Variants in SPOCK1 observed in about 807,000 individuals in gnomAD.
The protein encoded by SPOCK1 is testican-1.
SPOCK1 carries 23 observed loss-of-function variants against 55.3 expected under a neutral mutation model. The ratio of observed to expected loss-of-function variants is 0.42; its 90% CI spans 0.30 to 0.59. The LOEUF (loss-of-function observed/expected upper bound fraction) is 0.59, where lower values mean the gene tolerates loss of function less well. Ranked by LOEUF, SPOCK1 falls within the 20% of genes least tolerant of loss-of-function variation. The probability of loss-of-function intolerance (pLI) is 0.22; values close to 1 mark genes in which losing one functional copy is unlikely to be tolerated. For synonymous variants in SPOCK1, 226 were observed against 221.0 expected, an observed-to-expected ratio of 1.02 and a Z score of -0.20; for missense variants, 499 against 552.5, an observed-to-expected ratio of 0.90 and a Z score of 0.97.
chr5:137,083,077 G>A (rs78805114), intron 5 of SPOCK1, among the ~76,000 whole-genome samples: 1,732 of 152,254 alleles, frequency 0.011, 40 homozygotes, highest in Middle Eastern at 0.048. Flanking sequence ...AAAATAGAAC[G>A]GCTCCTGTCT....
intron 2 of SPOCK1, among the ~76,000 whole-genome samples, chr5:137,465,095 C>T (rs1455057417): frequency 1.3e-5 from 2 of 152,110 alleles, no homozygotes; most frequent in African/African-American, 4.8e-5. Context: ...CCAGGATTCA[C>T]GACTGAATGA....
At chr5:137,104,015 C>T (rs1753317010) in intron 5 of SPOCK1, among the ~76,000 whole-genome samples, 1 of 152,210 alleles carries the variant, frequency 6.6e-6, no homozygotes, top group Non-Finnish European at 1.5e-5. Flanking sequence ...TTAGATGCCA[C>T]TGAGTACTTC....
chr5:137,113,867 A>C (rs573114551), intron 4 of SPOCK1, among the ~76,000 whole-genome samples: 1 of 152,160 alleles, frequency 6.6e-6, no homozygotes, highest in Non-Finnish European at 1.5e-5. Flanking sequence ...ATTTTCTACC[A>C]GGTGTGGAAT....
intron 3 of SPOCK1, among the ~76,000 whole-genome samples, chr5:137,234,729 A>G (rs1036885380): frequency 5.3e-5 from 8 of 152,182 alleles, no homozygotes; most frequent in African/African-American, 1.7e-4. Flanking sequence ...TTGCCTCCAA[A>G]GAAGAGTAGG....
chr5:137,324,026 A>G (rs535479910), intron 2 of SPOCK1, among the ~76,000 whole-genome samples: 1 of 152,238 alleles, frequency 6.6e-6, no homozygotes, highest in Admixed American at 6.5e-5. Context: ...TTGCATTCCC[A>G]TGTCCAATGC....
chr5:137,141,311 G>T (rs905739531), intron 3 of SPOCK1, among the ~76,000 whole-genome samples: 3 of 152,190 alleles, frequency 2.0e-5, no homozygotes, highest in Non-Finnish European at 4.4e-5. Context: ...CAAGAAACAA[G>T]AGCTACTTTT....
At chr5:137,313,879 C>CCACAGA (rs941978059) in intron 2 of SPOCK1, among the ~76,000 whole-genome samples, 5 of 149,884 alleles carry the variant, frequency 3.3e-5, no homozygotes, top group African/African-American at 1.2e-4. Context: ...TAAATGCTTC[C>CCACAGA]CACAGAAGAG....
At chr5:137,368,804 G>A (rs1751133262) in intron 2 of SPOCK1, among the ~76,000 whole-genome samples, 1 of 152,164 alleles carries the variant, frequency 6.6e-6, no homozygotes, top group Non-Finnish European at 1.5e-5. Flanking sequence ...ACAGGACTGT[G>A]TGTTCCAGAG....
intron 6 of SPOCK1, among the ~76,000 whole-genome samples, chr5:137,008,234 C>A (rs1262842427): frequency 6.7e-6 from 1 of 150,214 alleles, no homozygotes; most frequent in African/African-American, 2.4e-5. Flanking sequence ...CACATGTATA[C>A]CTGTGTGACA....
chr5:137,165,753 G>GAA (rs1397175045), intron 3 of SPOCK1, among the ~76,000 whole-genome samples: 3 of 152,186 alleles, frequency 2.0e-5, no homozygotes, highest in African/African-American at 7.2e-5. Context: ...ATTCTGACTT[G>GAA]AAAAACGCAA....
chr5:137,466,759 C>G lies in SPOCK1; in HGVS notation c.186+31614G>C, dbSNP rs78126702. 7.0e-3 allele frequency among the ~76,000 whole-genome samples: 1,072 copies of G among 152,306 alleles called. 9 individuals carry two copies. Among genetic ancestry groups the G allele is most frequent in the African/African-American group, 0.024 (1,013 of 41,562 alleles). On this transcript the variant is annotated intron_variant, in intron 2 of 10. Coordinates refer to ENST00000394945, the MANE Select transcript of SPOCK1 (RefSeq NM_004598.4). ...GCATCATTTGTAGCTAAAAACCTAA[C>G]AGGGAAAAATCTGTGTATGAGTTAT...
At chr5:137,422,261 T>C (rs888445402) in intron 2 of SPOCK1, among the ~76,000 whole-genome samples, 10 of 152,342 alleles carry the variant, frequency 6.6e-5, no homozygotes, top group African/African-American at 2.4e-4. Flanking sequence ...CAATTATGTG[T>C]CTTGGAGTTG....
Position 137,213,571 on chromosome 5 carries a change from C to A in SPOCK1, c.232+53439G>T, listed in dbSNP as rs11242373. On this transcript the variant is annotated intron_variant, in intron 3 of 10. Coordinates refer to ENST00000394945, the MANE Select transcript of SPOCK1 (RefSeq NM_004598.4). ...AAGGCCAGGGTCTACCTCTAACCAC[C>A]ACGCTCGCAAGAGCACTAGATTAGG... is the stretch of plus-strand genomic sequence containing the variant. 4.1e-3 allele frequency among the ~76,000 whole-genome samples: 628 copies of A among 152,150 alleles called. 4 individuals carry two copies. The highest frequency in any genetic ancestry group is 4.3e-3 in the Non-Finnish European group (295 of 67,992).
chr5:137,019,525 T>C (rs1286787600), intron 6 of SPOCK1, among the ~76,000 whole-genome samples: 1 of 152,130 alleles, frequency 6.6e-6, no homozygotes, highest in African/African-American at 2.4e-5. Context: ...GTCAAATATG[T>C]AGGTTTTTCA....
At chr5:137,400,841 G>A (rs758447862) in intron 2 of SPOCK1, among the ~76,000 whole-genome samples, 15 of 152,144 alleles carry the variant, frequency 9.9e-5, no homozygotes, top group African/African-American at 2.9e-4. Context: ...GGAAAAGTGC[G>A]GATCAGAGAA....
At chr5:137,281,740 T>C (rs1289545375) in intron 2 of SPOCK1, among the ~76,000 whole-genome samples, 2 of 152,110 alleles carry the variant, frequency 1.3e-5, no homozygotes, top group East Asian at 3.9e-4. Flanking sequence ...AAGTCACAGC[T>C]AGAACTGAAG....
At chr5:137,065,372 G>A (rs1056161782) in intron 6 of SPOCK1, among the ~76,000 whole-genome samples, 9 of 152,134 alleles carry the variant, frequency 5.9e-5, no homozygotes, top group East Asian at 5.8e-4. Context: ...TCATGCTTAC[G>A]TGAAAACTTT....
At chr5:137,226,033 C>A (rs1446818526) in intron 3 of SPOCK1, among the ~76,000 whole-genome samples, 3 of 152,204 alleles carry the variant, frequency 2.0e-5, no homozygotes, top group Non-Finnish European at 4.4e-5. Flanking sequence ...CACAGCTCAA[C>A]AGGGACATCC....
At chr5:137,461,651 G>T (rs1465538222) in intron 2 of SPOCK1, among the ~76,000 whole-genome samples, 1 of 152,116 alleles carries the variant, frequency 6.6e-6, no homozygotes, top group Non-Finnish European at 1.5e-5. Flanking sequence ...TTTTTGTTCT[G>T]CCCGTCTCTG....
Sources: gnomAD v4.1 joint callset for allele counts (sites outside exome capture counted in the v4.1 genomes callset) on GRCh38, gnomAD v4.1.1 for gene constraint, MANE v1.5 for transcripts, NCBI Gene and HGNC (gene_info 2026-07-23, HGNC 2026-07-21) for gene names.